The following IL1RAPL2 variants were observed in gnomAD, a reference collection of about 807,000 sequenced individuals.
IL1RAPL2 encodes the protein X-linked interleukin-1 receptor accessory protein-like 2.
IL1RAPL2 carries 3 observed loss-of-function variants against 44.1 expected under a neutral mutation model. The observed-to-expected ratio is 0.07, with a 90% CI of 0.03 to 0.18. The LOEUF is 0.18. IL1RAPL2 is among the 10% of genes least tolerant of loss of function. The probability of loss-of-function intolerance (pLI) is 1.00; values close to 1 mark genes in which losing one functional copy is unlikely to be tolerated. For missense variants in IL1RAPL2, 391 were observed against 496.4 expected (o/e 0.79, Z 2.02); for synonymous variants, 181 against 178.8 (o/e 1.01, Z -0.10).
At chrX:105,679,273 A>AACAT (rs1024644973) in intron 6 of IL1RAPL2, among the ~76,000 whole-genome samples, 1 of 111,680 alleles carries the variant, frequency 9.0e-6, no homozygotes, top group African/African-American at 3.2e-5. Flanking sequence ...TACTAGGGGG[A>AACAT]ACATAACTAG....
chrX:105,198,650 C>T (rs961813174), intron 3 of IL1RAPL2, among the ~76,000 whole-genome samples: 2 of 111,826 alleles, frequency 1.8e-5, no homozygotes, highest in African/African-American at 3.2e-5. Flanking sequence ...TTTTCTGTTT[C>T]AGTATCCATC....
At chrX:104,702,815 CAA>C (rs964233491) in intron 2 of IL1RAPL2, among the ~76,000 whole-genome samples, 26 of 111,055 alleles carry the variant, frequency 2.3e-4, no homozygotes, top group African/African-American at 7.9e-4. Flanking sequence ...AAATTGATCA[CAA>C]GAGTTTATCT....
chrX:104,636,709 G>A (rs1042401291), intron 1 of IL1RAPL2, among the ~76,000 whole-genome samples: 2 of 112,140 alleles, frequency 1.8e-5, no homozygotes, highest in African/African-American at 6.5e-5. Context: ...GTATTAGGGT[G>A]GTAGTGACCC....
At chrX:105,383,242 C>A (rs2035450931) in intron 5 of IL1RAPL2, among the ~76,000 whole-genome samples, 1 of 110,809 alleles carries the variant, frequency 9.0e-6, no homozygotes, top group African/African-American at 3.3e-5. Flanking sequence ...ATTAACCAAC[C>A]CCTCTTTATT....
intron 5 of IL1RAPL2, among the ~76,000 whole-genome samples, chrX:105,475,880 T>A (rs768060491): frequency 1.8e-5 from 2 of 112,292 alleles, no homozygotes; most frequent in East Asian, 5.6e-4. Context: ...ATACTTAAGC[T>A]TTCCCAAAGC....
chrX:105,695,350 C>A (rs1257892323), intron 6 of IL1RAPL2, among the ~76,000 whole-genome samples: 2 of 111,517 alleles, frequency 1.8e-5, no homozygotes, highest in African/African-American at 6.5e-5. Flanking sequence ...ATTGGAAATC[C>A]TCATGCCACC....
chrX:104,865,419 T>G (rs1316064211), intron 2 of IL1RAPL2, among the ~76,000 whole-genome samples: 1 of 111,673 alleles, frequency 9.0e-6, no homozygotes, highest in Non-Finnish European at 1.9e-5. Context: ...TATGTATGAT[T>G]TTGGGAGATG....
At chrX:105,147,121 G>A (rs1333279368) in intron 2 of IL1RAPL2, among the ~76,000 whole-genome samples, 3 of 111,410 alleles carry the variant, frequency 2.7e-5, no homozygotes, top group South Asian at 7.5e-4. Context: ...CTGTGTGCCA[G>A]TGGATGGCAT....
chrX:104,896,415 C>G (rs1222652061), intron 2 of IL1RAPL2, among the ~76,000 whole-genome samples: 1 of 111,473 alleles, frequency 9.0e-6, no homozygotes, highest in African/African-American at 3.3e-5. Flanking sequence ...CTTCTTTGCC[C>G]CTATCCAGCA....
At chrX:104,654,492 C>A (rs1379061429) in intron 1 of IL1RAPL2, among the ~76,000 whole-genome samples, 1 of 110,821 alleles carries the variant, frequency 9.0e-6, no homozygotes, top group Non-Finnish European at 1.9e-5. Context: ...AAATGACCAT[C>A]ATGGCTGGAG....
intron 5 of IL1RAPL2, among the ~76,000 whole-genome samples, chrX:105,451,805 T>G (rs1335551863): frequency 1.8e-5 from 2 of 111,878 alleles, no homozygotes; most frequent in Non-Finnish European, 3.8e-5. Context: ...AATGCTGCCT[T>G]TTGCATGTGT....
At chrX:105,096,075 C>T (rs1303453050) in intron 2 of IL1RAPL2, among the ~76,000 whole-genome samples, 1 of 111,645 alleles carries the variant, frequency 9.0e-6, no homozygotes. Context: ...CAACAATAAG[C>T]ACATGAAAAG....
intron 2 of IL1RAPL2, among the ~76,000 whole-genome samples, chrX:104,683,003 G>C (rs911587521): frequency 9.0e-6 from 1 of 111,531 alleles, no homozygotes; most frequent in African/African-American, 3.3e-5. Flanking sequence ...GAATCGTTTG[G>C]CCTGACATTG....
intron 2 of IL1RAPL2, among the ~76,000 whole-genome samples, chrX:104,684,505 C>T (rs1930946485): frequency 8.9e-6 from 1 of 112,140 alleles, no homozygotes; most frequent in Non-Finnish European, 1.9e-5. Context: ...CCATACAGTA[C>T]AAATAAACCC....
At chrX:104,866,990 G>A (rs1022111697) in intron 2 of IL1RAPL2, among the ~76,000 whole-genome samples, 3 of 110,305 alleles carry the variant, frequency 2.7e-5, no homozygotes, top group African/African-American at 9.9e-5. Flanking sequence ...AAGCCAACAT[G>A]ACTGGCTTAA....
intron 6 of IL1RAPL2, among the ~76,000 whole-genome samples, chrX:105,594,555 AT>A (rs1295759455): frequency 9.0e-6 from 1 of 111,323 alleles, no homozygotes; most frequent in African/African-American, 3.3e-5. Context: ...TATTATTCTT[AT>A]TTTTTTAATG....
intron 2 of IL1RAPL2, among the ~76,000 whole-genome samples, chrX:105,130,986 G>T (rs1327126826): frequency 9.0e-6 from 1 of 111,388 alleles, no homozygotes; most frequent in Non-Finnish European, 1.9e-5. Flanking sequence ...AAGGACCGGA[G>T]AAACAATTTC....
At chrX:105,218,885 CG>C in intron 3 of IL1RAPL2, 2 of 966,523 alleles carry the variant, frequency 2.1e-6, no homozygotes, top group Non-Finnish European at 1.4e-6. Flanking sequence ...CCCCGGCCCC[CG>C]CCACCACAAG....
chrX:105,760,861 G>C lies in IL1RAPL2; in HGVS notation c.1363+5514G>C, dbSNP rs7052263. Among the ~76,000 whole-genome samples, 227 of 111,779 alleles carry C rather than the reference G, an allele frequency of 2.0e-3. 3 individuals are homozygous for C. Among genetic ancestry groups the C allele is most frequent in the African/African-American group, 7.1e-3 (219 of 30,811 alleles). On this transcript the variant is annotated intron_variant, in intron 10 of 10. Coordinates refer to ENST00000372582, the MANE Select transcript of IL1RAPL2 (RefSeq NM_017416.2). ...GGAGAGGGCAGGAAAGGTTTTTGTA[G>C]GACAAGTAATATCACACATATTTAG... is the stretch of plus-strand genomic sequence containing the variant.
Sources: allele counts gnomAD v4.1 joint callset (sites outside exome capture counted in the v4.1 genomes callset), GRCh38; gene constraint gnomAD v4.1.1; transcripts MANE v1.5; gene names NCBI Gene and HGNC (gene_info 2026-07-23, HGNC 2026-07-21).